SVIL: variants seen among roughly 807,000 people sequenced by gnomAD.
SVIL encodes supervillin.
SVIL carries 101 observed loss-of-function variants against 240.4 expected under a neutral mutation model. The observed-to-expected ratio is 0.42, with a 90% CI of 0.36 to 0.50. The LOEUF is 0.50. Ranked by LOEUF, SVIL falls within the 20% of genes least tolerant of loss-of-function variation. SVIL has a pLI of 0.01. For missense variants in SVIL, 2,512 were observed against 2,818.7 expected, an observed-to-expected ratio of 0.89 and a Z score of 2.46; for synonymous variants, 999 against 1,100.0, an observed-to-expected ratio of 0.91 and a Z score of 1.82.
chr10:29,634,300 C>A (rs1438230135), intron 1 of SVIL, 120 bp downstream of exon 1: 1 of 151,604 alleles, frequency 6.6e-6, no homozygotes, highest in East Asian at 1.9e-4. Flanking sequence ...TTTCCAATGA[C>A]TGAAGTCAAC....
chr10:29,716,713 C>T (rs1963632347), intron 1 of SVIL, among the ~76,000 whole-genome samples: 1 of 152,178 alleles, frequency 6.6e-6, no homozygotes, highest in East Asian at 1.9e-4. Context: ...TACATCTCAG[C>T]TCATAACTCT....
chr10:29,610,524 C>T (rs1321953754), intron 1 of SVIL, among the ~76,000 whole-genome samples: 2 of 150,406 alleles, frequency 1.3e-5, no homozygotes, highest in South Asian at 2.1e-4. Context: ...GTCCTCAGCT[C>T]ACTGCAACCT....
rs1944827628 is a variant in SVIL at position 29,465,676 on chromosome 10, A to G, written c.6052T>C (p.Phe2018Leu). The change falls in exon 34 of 38, where the codon TTT (phenylalanine) becomes CTT (leucine). Residue 2018 changes from phenylalanine (F) to leucine (L), a missense_variant. By Grantham distance (22) the Phe-to-Leu change is conservative. Around this residue, in one of 3 missense-constraint regions of SVIL, gnomAD observed 797 missense variants for 925.3 expected, o/e 0.86. Coordinates refer to ENST00000355867, the MANE Select transcript of SVIL (RefSeq NM_021738.3). ...GAGGGGGCTCGGGCAGGGTACACAA[A>G]CTCTGTGGCTGCAAAATCCCCAGAG... ...SSSGDFAATE[F>L]VYPARAPSVV... 6.2e-7 allele frequency: 1 copy of G among 1,613,408 alleles called. No individual in the cohort carries two copies. Among genetic ancestry groups the G allele is most frequent in the Admixed American group, 1.7e-5 (1 of 60,000 alleles).
rs549175095 is a variant in SVIL, at chr10:29,643,038, A to G, written c.-201+14931T>C. 4.7e-4 allele frequency among the ~76,000 whole-genome samples: 71 copies of G among 152,252 alleles called. 2 individuals carry two copies. In the South Asian group the frequency reaches 0.015, roughly 31 times the overall value. The stretch of plus-strand genomic sequence containing the variant: ...AACATTCTCCCTTTTGTCAGGGTGG[A>G]TTAATCAATTTGCAATATCCCTCCA... On this transcript the variant is annotated intron_variant, in intron 3 of 35. Transcript: ENST00000375400.
intron 3 of SVIL, among the ~76,000 whole-genome samples, chr10:29,653,556 T>C (rs1324822813): frequency 6.6e-6 from 1 of 152,228 alleles, no homozygotes; most frequent in African/African-American, 2.4e-5. Context: ...CACAAAGTTT[T>C]CTAATTTTGA....
chr10:29,540,496 A>G (rs905456779), intron 6 of SVIL, among the ~76,000 whole-genome samples: 2 of 152,324 alleles, frequency 1.3e-5, no homozygotes, highest in African/African-American at 2.4e-5. Context: ...CAAGGGAAAA[A>G]GGACATTAAC....
chr10:29,705,642 C>T (rs1482018849), intron 1 of SVIL, among the ~76,000 whole-genome samples: 8 of 152,068 alleles, frequency 5.3e-5, no homozygotes, highest in African/African-American at 1.4e-4. Context: ...CCCCTTGACC[C>T]GCAACCCCCG....
At chr10:29,645,805 A>C (rs1958635952) in intron 3 of SVIL, among the ~76,000 whole-genome samples, 1 of 152,262 alleles carries the variant, frequency 6.6e-6, no homozygotes, top group South Asian at 2.1e-4. Flanking sequence ...TTCATTAGCA[A>C]GTACAAGTAA....
At chr10:29,526,019 C>A (rs1212804609) in intron 13 of SVIL, among the ~76,000 whole-genome samples, 7 of 152,172 alleles carry the variant, frequency 4.6e-5, no homozygotes, top group Admixed American at 4.6e-4. Flanking sequence ...TGCGGTTTGG[C>A]TCATATAACA....
chr10:29,661,365 G>C (rs2133037796), intron 2 of SVIL, among the ~76,000 whole-genome samples: 1 of 152,226 alleles, frequency 6.6e-6, no homozygotes, highest in African/African-American at 2.4e-5. Context: ...AACAGGAAAA[G>C]GTCCAAATTT....
intron 1 of SVIL, among the ~76,000 whole-genome samples, chr10:29,699,031 TG>T: frequency 6.6e-6 from 1 of 152,248 alleles, no homozygotes; most frequent in Non-Finnish European, 1.5e-5. Context: ...TTGGAACAAC[TG>T]GTCCACAGGC....
Position 29,473,931 on chromosome 10 carries a change from G to C in SVIL, c.5436C>G (p.Val1812=). The C allele has an allele frequency of 6.2e-7, 1 of 1,614,062 alleles. No individual in the cohort carries two copies. The highest frequency in any genetic ancestry group is 8.5e-7 in the Non-Finnish European group (1 of 1,180,004). ...SVRAAGKEKC[V]YFFWQGRHST... ...AGTGCCGGCCTTGCCAGAAGAAGTA[G>C]ACGCACTTCTCTTTGCCGGCTGCCC... is the stretch of plus-strand genomic sequence containing the variant. Residue 1812 remains valine (V), a synonymous_variant, in exon 30 of 38, where the codon GTC becomes GTG. Coordinates refer to ENST00000355867, the MANE Select transcript of SVIL (RefSeq NM_021738.3).
chr10:29,690,311 AT>A (rs548818655), intron 1 of SVIL, among the ~76,000 whole-genome samples: 1 of 152,098 alleles, frequency 6.6e-6, no homozygotes, highest in African/African-American at 2.4e-5. Context: ...TTTTCAGTTA[AT>A]TTTTTTCATG....
chr10:29,594,801 C>T (rs1956521437), intron 1 of SVIL, among the ~76,000 whole-genome samples: 1 of 152,214 alleles, frequency 6.6e-6, no homozygotes, highest in Non-Finnish European at 1.5e-5. Context: ...AAGCAGTCAG[C>T]CTGCCTCAGC....
At chr10:29,494,126 C>G (rs922926355) in intron 20 of SVIL, among the ~76,000 whole-genome samples, 19 of 152,082 alleles carry the variant, frequency 1.2e-4, no homozygotes, top group African/African-American at 4.6e-4. Context: ...TATGATGGCA[C>G]CACTGCACTT....
chr10:29,711,143 T>C (rs1445215812), intron 1 of SVIL, among the ~76,000 whole-genome samples: 1 of 152,212 alleles, frequency 6.6e-6, no homozygotes, highest in Non-Finnish European at 1.5e-5. Context: ...CTCATGCCTG[T>C]AATCCCAGCA....
At position 29,494,997 on chromosome 10, in the gene SVIL, A is replaced by T. The variant is rs1948300205; in HGVS notation, c.3758T>A (p.Ile1253Asn). 6.2e-7 allele frequency: 1 copy of T among 1,613,404 alleles called. No homozygotes were observed. Among genetic ancestry groups the T allele is most frequent in the East Asian group, 2.2e-5 (1 of 44,842 alleles). ...TAACTGCATATCTGGTCTGGCTTCG[A>T]TATCTAGGCAAGCAGAAACCGTCAG... ...TTPVSKPLED[I>N]EARPDMQLES... The change falls in exon 20 of 38, where the codon ATC becomes AAC. Residue 1253 changes from isoleucine to asparagine, a missense_variant. Ile to Asn is a moderately radical substitution (Grantham distance 149). Transcript: ENST00000355867.
At chr10:29,616,105 T>G (rs931911248) in intron 1 of SVIL, among the ~76,000 whole-genome samples, 1 of 152,244 alleles carries the variant, frequency 6.6e-6, no homozygotes, top group Non-Finnish European at 1.5e-5. Context: ...ATTTGAGAAA[T>G]TGCATTTCCT....
intron 1 of SVIL, among the ~76,000 whole-genome samples, chr10:29,598,339 T>C (rs1956676302): frequency 6.6e-6 from 1 of 152,186 alleles, no homozygotes; most frequent in Admixed American, 6.5e-5. Flanking sequence ...ACCACCAAAC[T>C]GTACACTTCA....
Sources: gnomAD v4.1 joint callset for allele counts (sites outside exome capture counted in the v4.1 genomes callset) on GRCh38, gnomAD v4.1.1 for gene constraint, gnomAD v4.1.1 regional missense constraint, MANE v1.5 for transcripts, NCBI Gene and HGNC (gene_info 2026-07-23, HGNC 2026-07-21) for gene names.